The following CCDC192 variants were observed in gnomAD, a reference collection of about 807,000 sequenced individuals.
CCDC192 encodes the protein coiled-coil domain-containing protein 192.
At chr5:127,867,585 A>G (rs1159037214) in intron 5 of CCDC192, among the ~76,000 whole-genome samples, 1 of 152,162 alleles carries the variant, frequency 6.6e-6, no homozygotes, top group African/African-American at 2.4e-5. Context: ...TCTGTCCCCA[A>G]GGGGAATTGG....
intron 1 of CCDC192, among the ~76,000 whole-genome samples, chr5:127,705,282 T>C (rs1234965409): frequency 6.6e-6 from 1 of 152,210 alleles, no homozygotes; most frequent in Non-Finnish European, 1.5e-5. Flanking sequence ...AATATAATTG[T>C]CAGGCAGCCA....
chr5:127,719,553 AT>A (rs1751874521), intron 2 of CCDC192, among the ~76,000 whole-genome samples: 3 of 21,772 alleles, frequency 1.4e-4, no homozygotes, highest in Admixed American at 5.5e-4. Context: ...ATATATATAT[AT>A]ATATACACAC....
chr5:127,836,123 A>T (rs1394311730), intron 5 of CCDC192, among the ~76,000 whole-genome samples: 2 of 152,198 alleles, frequency 1.3e-5, no homozygotes, highest in Non-Finnish European at 2.9e-5. Context: ...AAATGCTCCC[A>T]TTCCAAATGG....
In CCDC192 at chr5:127,826,425, G is replaced by A. The variant is rs58252744; in HGVS notation, c.411+28263G>A. 1.8e-3 allele frequency among the ~76,000 whole-genome samples: 277 copies of A among 152,006 alleles called. 2 individuals are homozygous for A. The highest frequency in any genetic ancestry group is 6.1e-3 in the African/African-American group (254 of 41,456). Reference sequence around the variant, plus strand: ...AGCTACCATTTGACCCAGCAGTGCCGTTATTGGGTATACACATCCAAAAGA... The same window carrying A: ...AGCTACCATTTGACCCAGCAGTGCCATTATTGGGTATACACATCCAAAAGA... On this transcript the variant is annotated intron_variant, in intron 5 of 6. Transcript: ENST00000514853.
chr5:127,807,618 T>C (rs1387536788), intron 5 of CCDC192, among the ~76,000 whole-genome samples: 1 of 152,128 alleles, frequency 6.6e-6, no homozygotes, highest in African/African-American at 2.4e-5. Context: ...TAAATGAATG[T>C]GGGTAGTTCT....
At chr5:127,735,402 G>C (rs1395107498) in intron 2 of CCDC192, among the ~76,000 whole-genome samples, 2 of 149,164 alleles carry the variant, frequency 1.3e-5, no homozygotes, top group African/African-American at 2.6e-5. Context: ...GATTGTCTTG[G>C]AAATGTGGGC....
At chr5:127,934,219 G>C (rs1754129277) in intron 6 of CCDC192, among the ~76,000 whole-genome samples, 1 of 152,148 alleles carries the variant, frequency 6.6e-6, no homozygotes, top group Non-Finnish European at 1.5e-5. Flanking sequence ...AAAACAGACA[G>C]ATCTTCTTAA....
intron 6 of CCDC192, among the ~76,000 whole-genome samples, chr5:127,925,263 T>TAACTCTATTACCATTAGC (rs776151748): frequency 2.0e-5 from 3 of 151,910 alleles, no homozygotes; most frequent in South Asian, 2.1e-4. Flanking sequence ...TATCAGAAGA[T>TAACTCTATTACCATTAGC]TTCCTAAACT....
rs185179068 is a variant in CCDC192, at chr5:127,721,222, G to A, written c.114+13462G>A. Among the ~76,000 whole-genome samples the A allele has an allele frequency of 4.1e-4, 62 of 152,270 alleles. 1 individual carries two copies. The highest frequency in any genetic ancestry group is 7.9e-4 in the Non-Finnish European group (54 of 68,026). ...AGTTTCAGACCATTTCTTTGCTCAT[G>A]CATATGACCATATGCTGTTAGAACC... On this transcript the variant is annotated intron_variant, in intron 2 of 6. Coordinates refer to ENST00000514853, the MANE Select transcript of CCDC192 (RefSeq NM_001317938.2).
chr5:127,710,459 G>C (rs572779393), intron 2 of CCDC192, among the ~76,000 whole-genome samples: 21 of 152,088 alleles, frequency 1.4e-4, no homozygotes, highest in African/African-American at 5.1e-4. Flanking sequence ...GTGTCTTGGT[G>C]GTTCTTTATT....
chr5:127,894,048 A>C (rs1752803230), intron 6 of CCDC192, among the ~76,000 whole-genome samples: 1 of 152,190 alleles, frequency 6.6e-6, no homozygotes, highest in South Asian at 2.1e-4. Flanking sequence ...AGTTGAGACA[A>C]AGCTGAAATG....
At chr5:127,790,794 A>G (rs74822019) in intron 3 of CCDC192, among the ~76,000 whole-genome samples, 2,139 of 152,356 alleles carry the variant, frequency 0.014, 23 homozygotes, top group African/African-American at 0.03. Flanking sequence ...CAACTGCAAG[A>G]TATCAGAGCT....
intron 6 of CCDC192, among the ~76,000 whole-genome samples, chr5:127,929,520 A>T (rs973225879): frequency 1.3e-5 from 2 of 152,258 alleles, no homozygotes; most frequent in African/African-American, 2.4e-5. Context: ...GTGTCCTGTC[A>T]TCAGGAACAT....
At chr5:127,829,570 C>T (rs1311777956) in intron 5 of CCDC192, among the ~76,000 whole-genome samples, 1 of 152,106 alleles carries the variant, frequency 6.6e-6, no homozygotes, top group Admixed American at 6.5e-5. Context: ...TGAAGAACAC[C>T]TACACCATGA....
rs149917926 is a variant in CCDC192 at position 127,874,420 on chromosome 5, T to C, written c.412-1118T>C. On this transcript the variant is annotated intron_variant, in intron 5 of 6. Transcript: ENST00000514853. ...TCATAAATCATCCAGATGATGTATG[T>C]AGTTGTACTGGCAACAAAGCAAAAA... Among the ~76,000 whole-genome samples, 666 of 152,338 alleles carry C rather than the reference T, an allele frequency of 4.4e-3. 3 individuals are homozygous for C. The highest frequency in any genetic ancestry group is 0.016 in the African/African-American group (647 of 41,576).
intron 5 of CCDC192, among the ~76,000 whole-genome samples, chr5:127,838,064 G>A (rs886200236): frequency 2.0e-5 from 3 of 152,148 alleles, no homozygotes; most frequent in Non-Finnish European, 4.4e-5. Flanking sequence ...ATTAAGTATT[G>A]GTTATGCAAA....
At chr5:127,897,298 A>G (rs1752922364) in intron 6 of CCDC192, among the ~76,000 whole-genome samples, 2 of 152,142 alleles carry the variant, frequency 1.3e-5, no homozygotes, top group African/African-American at 4.8e-5. Context: ...ATCAACAACA[A>G]AAAATCAGTC....
intron 3 of CCDC192, chr5:127,785,211 T>C (rs1210172842): frequency 1.9e-6 from 1 of 525,034 alleles, no homozygotes; most frequent in Non-Finnish European, 3.9e-6. Flanking sequence ...ATGTCAATTT[T>C]CAGCCACTGT....
chr5:127,719,862 C>A (rs1255490338), intron 2 of CCDC192, among the ~76,000 whole-genome samples: 1 of 148,842 alleles, frequency 6.7e-6, no homozygotes, highest in Non-Finnish European at 1.5e-5. Flanking sequence ...CTTTTTAAAC[C>A]ACCAGATCTC....
Sources: allele counts gnomAD v4.1 joint callset (sites outside exome capture counted in the v4.1 genomes callset), GRCh38; gene constraint gnomAD v4.1.1; transcripts MANE v1.5; gene names NCBI Gene and HGNC (gene_info 2026-07-23, HGNC 2026-07-21).